The following CELF2 variants were observed in gnomAD, a reference collection of about 807,000 sequenced individuals.
CELF2 encodes CUGBP Elav-like family member 2, also known as CUG triplet repeat RNA-binding protein 2.
A neutral mutation model predicts 62.6 loss-of-function variants in CELF2; 8 were observed. The observed-to-expected ratio is 0.13, with a 90% confidence interval of 0.07 to 0.23. The LOEUF is 0.23. Among genes scored for constraint, CELF2 ranks in the 10% least tolerant of loss-of-function variants. The pLI, the probability that CELF2 is intolerant of heterozygous loss-of-function variation, is 1.00. For synonymous variants in CELF2, 258 were observed against 250.0 expected, an observed-to-expected ratio of 1.03 and a Z score of -0.30; for missense variants, 333 against 671.0, an observed-to-expected ratio of 0.50 and a Z score of 5.56.
chr10:11,055,643 A>C (rs1454843384), intron 1 of CELF2, among the ~76,000 whole-genome samples: 2 of 152,214 alleles, frequency 1.3e-5, no homozygotes, highest in Non-Finnish European at 2.9e-5. Flanking sequence ...TCTGAAGTGG[A>C]AAGACATTCT....
the CELF2 span, among the ~76,000 whole-genome samples, chr10:10,777,172 C>T: frequency 1.3e-5 from 2 of 152,128 alleles, no homozygotes; most frequent in East Asian, 3.9e-4. Context: ...TCTGACCACA[C>T]CAGAAAACCC....
chr10:11,125,401 C>T (rs1023791636), intron 1 of CELF2, among the ~76,000 whole-genome samples: 7 of 151,188 alleles, frequency 4.6e-5, no homozygotes, highest in Non-Finnish European at 8.8e-5. Flanking sequence ...CTTGGGTATG[C>T]TCCATTGATA....
chr10:11,062,191 G>A (rs1291842), intron 1 of CELF2, among the ~76,000 whole-genome samples: 11,267 of 152,284 alleles, frequency 0.074, 804 homozygotes, highest in African/African-American at 0.19. Context: ...GTGCTCATTG[G>A]CAATGTACCT....
At chr10:11,092,987 A>G (rs545683439) in intron 1 of CELF2, among the ~76,000 whole-genome samples, 68 of 152,146 alleles carry the variant, frequency 4.5e-4, no homozygotes, top group Non-Finnish European at 6.0e-4. Flanking sequence ...GGCGTTTCAG[A>G]TGCTGTCCAG....
chr10:10,930,026 G>A (rs577318666), intron 2 of CELF2, among the ~76,000 whole-genome samples: 1 of 152,296 alleles, frequency 6.6e-6, no homozygotes, highest in African/African-American at 2.4e-5. Context: ...CATCGCAAAT[G>A]TGGTGTTCAT....
intron 2 of CELF2, among the ~76,000 whole-genome samples, chr10:10,996,048 A>C (rs1237027669): frequency 6.6e-6 from 1 of 152,242 alleles, no homozygotes; most frequent in Non-Finnish European, 1.5e-5. Flanking sequence ...AAAAAGTTTA[A>C]AGTATAAAAC....
At chr10:10,704,516 A>G in the CELF2 span, among the ~76,000 whole-genome samples, 1 of 152,246 alleles carries the variant, frequency 6.6e-6, no homozygotes, top group Non-Finnish European at 1.5e-5. Context: ...TTCCAGAAAT[A>G]GTGAACAATA....
Position 11,319,710 on chromosome 10 carries a change from C to G in CELF2, c.1097-1479C>G. ...TCGTCTCGCCACCCCTGCTTGGTGT[C>G]TGTTCTGAGAAGCACAGGAATACCC... On this transcript the variant is annotated intron_variant, in intron 10 of 12. Coordinates refer to ENST00000633077, the MANE Select transcript of CELF2 (RefSeq NM_001326342.2). The surrounding 1 kb of genome is among the most constrained non-coding windows in gnomAD (Gnocchi z 4.4). 4.3e-6 allele frequency: 2 copies of G among 461,712 alleles called. No homozygotes were observed. The highest frequency in any genetic ancestry group is 1.6e-5 in the South Asian group (1 of 62,794). The allele number at this position is 461,712 out of a possible 1,614,324, so 28.6% of individuals were successfully genotyped here. A position where few individuals can be genotyped will look rare whatever the true frequency, so the allele number is the denominator to read the frequency against.
In CELF2 at chr10:11,279,052, G is replaced by A. The variant is rs1214414339; in HGVS notation, c.841+3932G>A. ...CTTCAGAGGTGGTAACAGGAAAGCT[G>A]CCTCCCTTCATCCTGGAAAACATCT... On this transcript the variant is annotated intron_variant, in intron 8 of 12. Coordinates refer to ENST00000633077, the MANE Select transcript of CELF2 (RefSeq NM_001326342.2). Among the ~76,000 whole-genome samples the A allele has an allele frequency of 2.6e-5, 4 of 152,178 alleles. No individual in the cohort carries two copies. The East Asian group carries it at 7.7e-4, about 29-fold the overall frequency.
Position 10,990,865 on chromosome 10 carries a change from A to G in CELF2, c.89+70866A>G, listed in dbSNP as rs897828582. Among the ~76,000 whole-genome samples, 3 of 152,236 alleles carry G rather than the reference A, an allele frequency of 2.0e-5. No homozygotes were observed. The highest frequency in any genetic ancestry group is 7.2e-5 in the African/African-American group (3 of 41,542). On this transcript the variant is annotated intron_variant, in intron 2 of 13. Coordinates refer to the CELF2 transcript ENST00000636488. This position sits in a 1 kb window ranked among gnomAD's most constrained non-coding sequence, Gnocchi z 4.6. Reference sequence around the variant, plus strand: ...CCTGTGTTCTCAGTGGCTTTCCATAACCCTAAGAATAATTTTGCAGGCATT... The same window carrying G: ...CCTGTGTTCTCAGTGGCTTTCCATAGCCCTAAGAATAATTTTGCAGGCATT...
chr10:10,598,759 T>C, the CELF2 span, among the ~76,000 whole-genome samples: 13 of 128,858 alleles, frequency 1.0e-4, no homozygotes, highest in African/African-American at 2.8e-4. Context: ...TTCTTTTTTT[T>C]TTTTTTTTTT....
chr10:10,685,374 T>A, the CELF2 span, among the ~76,000 whole-genome samples: 1 of 152,228 alleles, frequency 6.6e-6, no homozygotes, highest in Non-Finnish European at 1.5e-5. Flanking sequence ...AGCTGCCAAA[T>A]GATGAATCAA....
the CELF2 span, among the ~76,000 whole-genome samples, chr10:10,641,979 C>T: frequency 6.6e-6 from 1 of 152,088 alleles, no homozygotes; most frequent in Non-Finnish European, 1.5e-5. Flanking sequence ...GGTCATAGAG[C>T]CTTGAGATAA....
At chr10:10,641,773 T>G in the CELF2 span, among the ~76,000 whole-genome samples, 1 of 152,180 alleles carries the variant, frequency 6.6e-6, no homozygotes, top group African/African-American at 2.4e-5. Context: ...AACAAATTTA[T>G]CATTGACTAA....
At chr10:11,129,608 G>C (rs1165981640) in intron 1 of CELF2, among the ~76,000 whole-genome samples, 1 of 152,132 alleles carries the variant, frequency 6.6e-6, no homozygotes, top group Non-Finnish European at 1.5e-5. Flanking sequence ...AGTCTTGGGA[G>C]GGTGTATGTG....
At chr10:10,611,825 A>G in the CELF2 span, among the ~76,000 whole-genome samples, 3 of 152,216 alleles carry the variant, frequency 2.0e-5, no homozygotes, top group Admixed American at 6.5e-5. Context: ...TTATTTTACA[A>G]TGTGCTCAGG....
chr10:10,677,619 C>G, the CELF2 span, among the ~76,000 whole-genome samples: 1 of 152,204 alleles, frequency 6.6e-6, no homozygotes, highest in East Asian at 1.9e-4. Flanking sequence ...GATTTGAGAT[C>G]CTCCATTAGT....
At position 11,305,463 on chromosome 10, in the gene CELF2, A is replaced by C. The variant is rs1300874141; in HGVS notation, c.977-8676A>C. Among the ~76,000 whole-genome samples the C allele has an allele frequency of 6.6e-6, 1 of 152,230 alleles. No individual in the cohort carries two copies. The highest frequency in any genetic ancestry group is 1.5e-5 in the Non-Finnish European group (1 of 68,036). ...ATCTTTCAAGCGCAGGAAAGACTCC[A>C]GTCTAGTTCACAGTTTGCCTGGGAG... On this transcript the variant is annotated intron_variant, in intron 9 of 12. Transcript: ENST00000633077. This position sits in a 1 kb window ranked among gnomAD's most constrained non-coding sequence, Gnocchi z 4.8.
intron 2 of CELF2, among the ~76,000 whole-genome samples, chr10:10,942,339 G>T (rs2047145800): frequency 6.6e-6 from 1 of 152,196 alleles, no homozygotes; most frequent in African/African-American, 2.4e-5. Flanking sequence ...AGTCAAGGGG[G>T]CTGTGATCTG....
Sources: allele counts gnomAD v4.1 joint callset (sites outside exome capture counted in the v4.1 genomes callset), GRCh38; gene constraint gnomAD v4.1.1; non-coding constraint Gnocchi (gnomAD v3.1); transcripts MANE v1.5; gene names NCBI Gene and HGNC (gene_info 2026-07-23, HGNC 2026-07-21).